AKAP6: variants seen among roughly 807,000 people sequenced by gnomAD.
AKAP6 encodes the protein A-kinase anchoring protein 6.
In AKAP6, 58 loss-of-function variants were observed where a neutral mutation model predicts 188.5. The observed-to-expected ratio is 0.31, with a 90% confidence interval of 0.25 to 0.38. AKAP6 has a LOEUF of 0.38. Ranked by LOEUF, AKAP6 falls within the 10% of genes least tolerant of loss-of-function variation. AKAP6 has a pLI of 1.00. For synonymous variants in AKAP6, 989 were observed against 998.6 expected, an observed-to-expected ratio of 0.99 and a Z score of 0.18; for missense variants, 2,710 against 2,740.0, an observed-to-expected ratio of 0.99 and a Z score of 0.24.
intron 2 of AKAP6, among the ~76,000 whole-genome samples, chr14:32,501,148 A>C (rs1880589347): frequency 6.6e-6 from 1 of 152,158 alleles, no homozygotes; most frequent in East Asian, 1.9e-4. Context: ...AAACACAATA[A>C]ATTTTAATAT....
At chr14:32,574,696 T>C (rs1056712576) in intron 4 of AKAP6, among the ~76,000 whole-genome samples, 3 of 152,194 alleles carry the variant, frequency 2.0e-5, no homozygotes, top group African/African-American at 7.2e-5. Context: ...CAAACCAATT[T>C]ATATGTACAG....
At chr14:32,356,548 T>C (rs1025494062) in intron 1 of AKAP6, among the ~76,000 whole-genome samples, 2 of 152,190 alleles carry the variant, frequency 1.3e-5, no homozygotes, top group African/African-American at 4.8e-5. Context: ...AAAAAGCTGG[T>C]AGGTTCTAAA....
intron 8 of AKAP6, among the ~76,000 whole-genome samples, chr14:32,690,189 T>G (rs1350223059): frequency 6.6e-6 from 1 of 151,636 alleles, no homozygotes; most frequent in Non-Finnish European, 1.5e-5. Flanking sequence ...AACCAATAAT[T>G]GCTCTATTTT....
chr14:32,677,554 G>T (rs1197621426), intron 7 of AKAP6, among the ~76,000 whole-genome samples: 3 of 152,104 alleles, frequency 2.0e-5, no homozygotes, highest in Non-Finnish European at 4.4e-5. Context: ...ATCATTCTCG[G>T]TCTCATCTGA....
intron 5 of AKAP6, among the ~76,000 whole-genome samples, chr14:32,591,748 AT>A (rs1442261065): frequency 2.1e-5 from 3 of 141,718 alleles, no homozygotes; most frequent in Non-Finnish European, 4.6e-5. Flanking sequence ...GAGTTCTTTT[AT>A]TTTTTAAAGC....
chr14:32,678,190 C>T, intron 7 of AKAP6, 121 bp from the exon 8 acceptor site: 1 of 1,019,182 alleles, frequency 9.8e-7, no homozygotes, highest in Non-Finnish European at 1.4e-6. Context: ...CCCATTAAAT[C>T]CAACTCGAAA....
intron 9 of AKAP6, among the ~76,000 whole-genome samples, chr14:32,716,363 T>C (rs552256570): frequency 2.6e-5 from 4 of 151,712 alleles, no homozygotes; most frequent in African/African-American, 9.6e-5. Context: ...TGTATATATA[T>C]ATGCACTGTA....
intron 9 of AKAP6, among the ~76,000 whole-genome samples, chr14:32,727,887 A>G (rs1322837309): frequency 1.3e-5 from 2 of 152,188 alleles, no homozygotes; most frequent in Non-Finnish European, 2.9e-5. Flanking sequence ...TCAGTTTTGA[A>G]CATCTTCTTG....
chr14:32,482,268 C>G (rs1002161991), intron 2 of AKAP6, among the ~76,000 whole-genome samples: 1 of 152,210 alleles, frequency 6.6e-6, no homozygotes, highest in Non-Finnish European at 1.5e-5. Flanking sequence ...AACTGCCCCT[C>G]TCTTCCCACT....
At position 32,823,278 on chromosome 14, in the gene AKAP6, G is replaced by A. The variant is rs1407165523; in HGVS notation, c.5465G>A (p.Ser1822Asn). 1 of 1,613,866 alleles carries A rather than the reference G, an allele frequency of 6.2e-7. No homozygotes were observed. Among genetic ancestry groups the A allele is most frequent in the African/African-American group, 1.3e-5 (1 of 75,020 alleles). The change falls in exon 13 of 14, where the codon AGT (serine) becomes AAT (asparagine). Residue 1822 changes from serine (S) to asparagine (N), a missense_variant. Transcript: ENST00000280979. ...LTRDKKRCNV[S>N]DEMKGSKDIS... is the part of the protein sequence containing the mutation. ...AGAGATAAGAAAAGGTGCAATGTCA[G>A]TGATGAGATGAAGGGCAGTAAAGAT...
At chr14:32,474,383 C>G (rs1878944769) in intron 2 of AKAP6, 1 of 151,986 alleles carries the variant, frequency 6.6e-6, no homozygotes. Context: ...TAGACCACTT[C>G]CATCCAACGT....
chr14:32,728,171 G>T (rs75908775), intron 9 of AKAP6, among the ~76,000 whole-genome samples: 2 of 140,264 alleles, frequency 1.4e-5, no homozygotes, highest in African/African-American at 5.3e-5. Flanking sequence ...CAGAAAACAC[G>T]TGAGAGTTGT....
At chr14:32,412,627 A>G (rs1186165485) in intron 1 of AKAP6, among the ~76,000 whole-genome samples, 1 of 152,190 alleles carries the variant, frequency 6.6e-6, no homozygotes, top group Non-Finnish European at 1.5e-5. Context: ...TTTACTGTTC[A>G]CTTTCGTTAT....
chr14:32,467,038 A>G (rs959425931), intron 2 of AKAP6, among the ~76,000 whole-genome samples: 4 of 151,476 alleles, frequency 2.6e-5, no homozygotes, highest in Non-Finnish European at 5.9e-5. Flanking sequence ...TAGACACCAG[A>G]GCCTACTTGA....
rs774261455 is a variant in AKAP6, at chr14:32,821,604, A to T, written c.3791A>T (p.Glu1264Val). 2 of 1,613,732 alleles carry T rather than the reference A, an allele frequency of 1.2e-6. No homozygotes were observed. The highest frequency in any genetic ancestry group is 2.2e-5 in the South Asian group (2 of 91,060). ...AATGAGGACCCTGGTTATGACGAGG[A>T]GGCTGATAACCATGGGGGATCTCAG... is the stretch of plus-strand genomic sequence containing the variant. ...TSNEDPGYDEEADNHGGSQYA... is the reference protein window; with the variant it reads ...TSNEDPGYDEVADNHGGSQYA... Residue 1264 changes from glutamate (E) to valine (V), a missense_variant, in exon 13 of 14, where the codon GAG becomes GTG. By Grantham distance (121) the Glu-to-Val change is moderately radical. Around this residue, in one of 2 missense-constraint regions of AKAP6, gnomAD observed 2,473 missense variants for 2,426.1 expected, o/e 1.02. Coordinates refer to ENST00000280979, the MANE Select transcript of AKAP6 (RefSeq NM_004274.5).
At chr14:32,530,880 T>TAAAAAA in intron 2 of AKAP6, among the ~76,000 whole-genome samples, 1 of 151,770 alleles carries the variant, frequency 6.6e-6, no homozygotes, top group Middle Eastern at 3.4e-3. Context: ...CAACCCAATT[T>TAAAAAA]AAAAAACAAA....
At chr14:32,457,759 C>G (rs904262526) in intron 2 of AKAP6, among the ~76,000 whole-genome samples, 1 of 152,132 alleles carries the variant, frequency 6.6e-6, no homozygotes, top group Non-Finnish European at 1.5e-5. Context: ...CTGAATTGTT[C>G]CATTGGCATT....
At chr14:32,702,334 A>G (rs1890648957) in intron 9 of AKAP6, among the ~76,000 whole-genome samples, 1 of 152,136 alleles carries the variant, frequency 6.6e-6, no homozygotes, top group Admixed American at 6.5e-5. Context: ...AAAAGTCCTT[A>G]GATTAACTGT....
intron 2 of AKAP6, among the ~76,000 whole-genome samples, chr14:32,500,238 T>C (rs1880539466): frequency 6.6e-6 from 1 of 152,190 alleles, no homozygotes; most frequent in Non-Finnish European, 1.5e-5. Context: ...ATGATCTTGC[T>C]AACAAAATAC....
Sources: gnomAD v4.1 joint callset for allele counts (sites outside exome capture counted in the v4.1 genomes callset) on GRCh38, gnomAD v4.1.1 for gene constraint, gnomAD v4.1.1 regional missense constraint, MANE v1.5 for transcripts, NCBI Gene and HGNC (gene_info 2026-07-23, HGNC 2026-07-21) for gene names.